The following SPSB4 variants were observed in gnomAD, a reference collection of about 807,000 sequenced individuals.
The protein encoded by SPSB4 is SPRY domain-containing SOCS box protein 4.
SPSB4 carries 21 observed loss-of-function variants against 20.9 expected under a neutral mutation model. That is an observed-to-expected ratio of 1.01 (90% CI 0.71 to 1.45). SPSB4 has a LOEUF of 1.45. Among genes scored for constraint, SPSB4 ranks in the 40% most tolerant of loss-of-function variants. SPSB4 has a pLI of 0.00. For missense variants in SPSB4, 399 were observed against 399.2 expected (o/e 1.00, Z 0.00); for synonymous variants, 207 against 183.8 (o/e 1.13, Z -1.02).
Position 141,053,032 on chromosome 3 carries a change from G to A in SPSB4, c.-154+1040G>A, listed in dbSNP as rs144757006. 7.3e-3 allele frequency among the ~76,000 whole-genome samples: 1,108 copies of A among 152,306 alleles called. 7 individuals are homozygous for A. The highest frequency in any genetic ancestry group is 0.015 in the South Asian group (71 of 4,828). ...GGAGAGTTCTCAGTTCTGGAGTCAGGCTTGGGTTCGAATCTGTCTCCACCA... is the reference window on the plus strand; with the variant it reads ...GGAGAGTTCTCAGTTCTGGAGTCAGACTTGGGTTCGAATCTGTCTCCACCA... On this transcript the variant is annotated intron_variant, in intron 1 of 2. Transcript: ENST00000310546.
chr3:141,105,864 C>T (rs1938679611), intron 2 of SPSB4, among the ~76,000 whole-genome samples: 1 of 152,174 alleles, frequency 6.6e-6, no homozygotes, highest in Non-Finnish European at 1.5e-5. Context: ...TCCTGGTAAA[C>T]TGCTTATTAT....
chr3:141,072,232 A>AGTGGTTAT (rs1371953815), intron 2 of SPSB4, among the ~76,000 whole-genome samples: 1 of 152,178 alleles, frequency 6.6e-6, no homozygotes, highest in Non-Finnish European at 1.5e-5. Context: ...TCTTTCCCCA[A>AGTGGTTAT]GTGGTTATGA....
intron 2 of SPSB4, among the ~76,000 whole-genome samples, chr3:141,136,524 C>T (rs1203002357): frequency 6.6e-6 from 1 of 151,984 alleles, no homozygotes; most frequent in Non-Finnish European, 1.5e-5. Flanking sequence ...GTATAAGGTG[C>T]AAGGAAGGGA....
At chr3:141,066,881 A>C in intron 2 of SPSB4, 83 bp downstream of exon 2, 2 of 1,342,100 alleles carry the variant, frequency 1.5e-6, no homozygotes. Flanking sequence ...CTCCATCGCC[A>C]CTTGGGAGGA....
chr3:141,136,459 T>C (rs1436648070), intron 2 of SPSB4, among the ~76,000 whole-genome samples: 1 of 152,204 alleles, frequency 6.6e-6, no homozygotes, highest in African/African-American at 2.4e-5. Flanking sequence ...CTTCTAGGGT[T>C]TTTATGGTTT....
intron 2 of SPSB4, among the ~76,000 whole-genome samples, chr3:141,109,904 C>T (rs142893223): frequency 9.8e-4 from 149 of 152,296 alleles, no homozygotes; most frequent in African/African-American, 3.4e-3. Context: ...GCTCCTTAAT[C>T]GGTGTTGCTA....
intron 2 of SPSB4, among the ~76,000 whole-genome samples, chr3:141,144,981 G>C (rs1236096481): frequency 2.0e-5 from 3 of 152,168 alleles, no homozygotes; most frequent in Admixed American, 1.3e-4. Context: ...TGCTGGAGGA[G>C]AGATGGGGAC....
intron 2 of SPSB4, among the ~76,000 whole-genome samples, chr3:141,081,061 G>A (rs1938219947): frequency 6.6e-6 from 1 of 152,180 alleles, no homozygotes; most frequent in Non-Finnish European, 1.5e-5. Flanking sequence ...CCATCATTCT[G>A]CAGTCTCTGA....
At chr3:141,082,342 C>G (rs1167339563) in intron 2 of SPSB4, among the ~76,000 whole-genome samples, 1 of 152,186 alleles carries the variant, frequency 6.6e-6, no homozygotes, top group Non-Finnish European at 1.5e-5. Flanking sequence ...CTGGGCCAGG[C>G]TCTCATCTGC....
chr3:141,132,585 A>C (rs1939153825), intron 2 of SPSB4, among the ~76,000 whole-genome samples: 4 of 152,110 alleles, frequency 2.6e-5, no homozygotes, highest in Admixed American at 2.6e-4. Context: ...CTGCAACTTC[A>C]TCCAGGTTGC....
chr3:141,094,989 A>G (rs1938521252), intron 2 of SPSB4, among the ~76,000 whole-genome samples: 1 of 151,832 alleles, frequency 6.6e-6, no homozygotes, highest in Non-Finnish European at 1.5e-5. Context: ...GGAGATTTAG[A>G]AGTACCTCAG....
intron 2 of SPSB4, among the ~76,000 whole-genome samples, chr3:141,120,914 T>C (rs1938955705): frequency 1.3e-5 from 2 of 152,134 alleles, no homozygotes; most frequent in African/African-American, 4.8e-5. Flanking sequence ...CATTTACATT[T>C]AAGGTTAGTA....
intron 2 of SPSB4, among the ~76,000 whole-genome samples, chr3:141,082,044 T>C (rs1264042166): frequency 6.6e-6 from 1 of 152,066 alleles, no homozygotes; most frequent in East Asian, 1.9e-4. Flanking sequence ...GGCTGCCGCA[T>C]GGGGAGCACA....
In SPSB4 at chr3:141,140,718, G is replaced by A. The variant is rs141472571; in HGVS notation, c.695-6424G>A. On this transcript the variant is annotated intron_variant, in intron 2 of 2. Coordinates refer to ENST00000310546, the MANE Select transcript of SPSB4 (RefSeq NM_080862.3). ...TTTTGTCTCAGAGGAGTACCCGGCC[G>A]TGTGAGGTGTCAGTCTGCCCCTATT... is the stretch of plus-strand genomic sequence containing the variant. 3.4e-3 allele frequency among the ~76,000 whole-genome samples: 520 copies of A among 152,292 alleles called. 2 individuals carry two copies. The highest frequency in any genetic ancestry group is 0.011 in the African/African-American group (465 of 41,558).
intron 2 of SPSB4, among the ~76,000 whole-genome samples, chr3:141,087,437 G>A (rs979044087): frequency 6.6e-6 from 1 of 152,186 alleles, no homozygotes; most frequent in Non-Finnish European, 1.5e-5. Context: ...AGGGAGGCAG[G>A]CCACATAGGG....
chr3:141,066,293 C>T lies in SPSB4; in HGVS notation c.189C>T (p.Leu63=). The part of the protein sequence containing the change: ...RHAWNPEDRS[L]NVFVKDDDRL... ...CGTGGAACCCCGAGGACCGCTCGCT[C>T]AACGTCTTCGTCAAGGACGACGACC... The change falls in exon 2 of 3, where the codon CTC becomes CTT. Residue 63 remains leucine, a synonymous_variant. Coordinates refer to ENST00000310546, the MANE Select transcript of SPSB4 (RefSeq NM_080862.3). 6.4e-7 allele frequency: 1 copy of T among 1,571,072 alleles called. No individual in the cohort carries two copies. The highest frequency in any genetic ancestry group is 1.4e-5 in the African/African-American group (1 of 73,646).
rs1937883763 is a variant in SPSB4, at chr3:141,066,549, C to T, written c.445C>T (p.Leu149Phe). The T allele has an allele frequency of 6.6e-7, 1 of 1,526,624 alleles. No homozygotes were observed. Among genetic ancestry groups the T allele is most frequent in the South Asian group, 1.3e-5 (1 of 78,156 alleles). 94.6% of individuals were successfully genotyped at this position (1,526,624 alleles called of 1,614,324 possible). ...SWGWDLGRSR[L>F]YHDGKNQPGV... is the part of the protein sequence containing the mutation. ...GGGCTGGGACCTGGGCCGCAGCCGCCTCTACCACGACGGCAAGAACCAGCC... is the reference window on the plus strand; with the variant it reads ...GGGCTGGGACCTGGGCCGCAGCCGCTTCTACCACGACGGCAAGAACCAGCC... Residue 149 changes from leucine to phenylalanine, a missense_variant, in exon 2 of 3, where the codon CTC becomes TTC. Leu to Phe is a conservative substitution (Grantham distance 22). Transcript: ENST00000310546.
chr3:141,145,514 G>A (rs559196012), intron 2 of SPSB4, among the ~76,000 whole-genome samples: 3 of 152,128 alleles, frequency 2.0e-5, no homozygotes, highest in Non-Finnish European at 4.4e-5. Context: ...ATGTTTGAAA[G>A]CTGCAGGCCT....
chr3:141,059,114 A>G (rs895814003), intron 1 of SPSB4, among the ~76,000 whole-genome samples: 1 of 152,128 alleles, frequency 6.6e-6, no homozygotes, highest in Non-Finnish European at 1.5e-5. Context: ...CAGATCAGTA[A>G]GGCCTGAAAG....
Sources: gnomAD v4.1 joint callset for allele counts (sites outside exome capture counted in the v4.1 genomes callset) on GRCh38, gnomAD v4.1.1 for gene constraint, MANE v1.5 for transcripts, NCBI Gene and HGNC (gene_info 2026-07-23, HGNC 2026-07-21) for gene names.